Variants in CDC42BPA observed in about 807,000 individuals in gnomAD.
The protein encoded by CDC42BPA is CDC42 binding protein kinase alpha, also known as serine/threonine-protein kinase MRCK alpha.
CDC42BPA carries 80 observed loss-of-function variants against 223.5 expected under a neutral mutation model. The ratio of observed to expected loss-of-function variants is 0.36; its 90% confidence interval spans 0.30 to 0.43. The LOEUF (loss-of-function observed/expected upper bound fraction) is 0.43, where lower values mean the gene tolerates loss of function less well. Ranked by LOEUF, CDC42BPA falls within the 20% of genes least tolerant of loss-of-function variation. CDC42BPA has a pLI of 1.00. For synonymous variants in CDC42BPA, 694 were observed against 718.6 expected, an observed-to-expected ratio of 0.97 and a Z score of 0.55; for missense variants, 1,743 against 2,099.9, an observed-to-expected ratio of 0.83 and a Z score of 3.32.
intron 1 of CDC42BPA, among the ~76,000 whole-genome samples, chr1:227,297,532 CG>C (rs1208503890): frequency 6.6e-6 from 1 of 152,072 alleles, no homozygotes; most frequent in African/African-American, 2.4e-5. Context: ...GTGGAAACAA[CG>C]CAAGTATCCA....
intron 6 of CDC42BPA, among the ~76,000 whole-genome samples, chr1:227,151,414 T>A (rs1452356426): frequency 1.3e-5 from 2 of 152,210 alleles, no homozygotes; most frequent in Non-Finnish European, 2.9e-5. Flanking sequence ...ACCCTTTGGC[T>A]ACTGTGAACA....
chr1:227,262,578 G>T (rs1408740425), intron 1 of CDC42BPA, among the ~76,000 whole-genome samples: 1 of 152,110 alleles, frequency 6.6e-6, no homozygotes, highest in Non-Finnish European at 1.5e-5. Flanking sequence ...TAAGAATATA[G>T]CCATGTATTC....
intron 2 of CDC42BPA, among the ~76,000 whole-genome samples, chr1:227,243,756 TCACACA>T (rs5781477): frequency 0.086 from 12,617 of 146,594 alleles, 520 homozygotes; most frequent in Non-Finnish European, 0.1. Flanking sequence ...AAAAGATTTG[TCACACA>T]CACACACACA....
chr1:227,110,332 T>C (rs1292919270), intron 14 of CDC42BPA, among the ~76,000 whole-genome samples: 1 of 152,230 alleles, frequency 6.6e-6, no homozygotes, highest in Non-Finnish European at 1.5e-5. Context: ...TTCTGGTCTA[T>C]ACATGTTAAA....
chr1:227,087,646 T>G (rs1277574242), intron 16 of CDC42BPA, among the ~76,000 whole-genome samples: 2 of 152,220 alleles, frequency 1.3e-5, no homozygotes, highest in Non-Finnish European at 2.9e-5. Context: ...ATATTGAGTC[T>G]TCCAATCCAT....
intron 22 of CDC42BPA, among the ~76,000 whole-genome samples, chr1:227,051,260 A>G (rs1673471788): frequency 1.3e-5 from 2 of 152,316 alleles, no homozygotes; most frequent in Admixed American, 6.5e-5. Flanking sequence ...AGCTGATCTT[A>G]AGGTAGGATG....
At chr1:227,176,895 T>C (rs2149993688) in intron 5 of CDC42BPA, among the ~76,000 whole-genome samples, 1 of 152,204 alleles carries the variant, frequency 6.6e-6, no homozygotes, top group Admixed American at 6.5e-5. Flanking sequence ...ATCTTTATCA[T>C]AAAGCTTCAT....
At chr1:227,052,344 A>G (rs1673682802) in intron 21 of CDC42BPA, among the ~76,000 whole-genome samples, 1 of 152,192 alleles carries the variant, frequency 6.6e-6, no homozygotes, top group African/African-American at 2.4e-5. Context: ...CTTAATAGAG[A>G]TACATACGGC....
intron 2 of CDC42BPA, among the ~76,000 whole-genome samples, chr1:227,245,893 G>A (rs911615043): frequency 1.3e-5 from 2 of 152,180 alleles, no homozygotes; most frequent in African/African-American, 2.4e-5. Context: ...ATTCCCAGTT[G>A]TGGTGGCCAC....
At chr1:227,080,539 C>T (rs1680421348) in intron 17 of CDC42BPA, among the ~76,000 whole-genome samples, 2 of 152,072 alleles carry the variant, frequency 1.3e-5, no homozygotes, top group African/African-American at 4.8e-5. Context: ...TCTTAAAATA[C>T]TCACAAATAC....
chr1:227,211,487 A>G (rs2670458), intron 3 of CDC42BPA, among the ~76,000 whole-genome samples: 24,022 of 152,166 alleles, frequency 0.16, 2,185 homozygotes, highest in East Asian at 0.37. Context: ...TAGCAAAGTC[A>G]CAGACTCAAT....
At position 226,994,764 on chromosome 1, in the gene CDC42BPA, C is replaced by G; in HGVS notation, c.5133+59G>C. The G allele has an allele frequency of 2.0e-6, 3 of 1,507,146 alleles. No homozygotes were observed. The highest frequency in any genetic ancestry group is 2.1e-4 in the Middle Eastern group (1 of 4,752). The allele number at this position is 1,507,146 out of a possible 1,614,324, so 93.4% of individuals were successfully genotyped here. A position where few individuals can be genotyped will look rare whatever the true frequency, so the allele number is the denominator to read the frequency against. On this transcript the variant is annotated intron_variant, in intron 36 of 36. Coordinates refer to ENST00000366766, the MANE Select transcript of CDC42BPA (RefSeq NM_001394014.1). This position sits in a 1 kb window ranked among gnomAD's most constrained non-coding sequence, Gnocchi z 4.0. ...GGCCAATCCCAAGGTGGTGGGATTGCCTGGGAAGATGCCCTAGTCTTTCTG... is the reference window on the plus strand; with the variant it reads ...GGCCAATCCCAAGGTGGTGGGATTGGCTGGGAAGATGCCCTAGTCTTTCTG...
chr1:227,139,546 A>G, intron 10 of CDC42BPA, 30 bp downstream of exon 10: 1 of 1,418,510 alleles, frequency 7.0e-7, no homozygotes, highest in East Asian at 2.5e-5. Context: ...TACAATTCAA[A>G]AAGTGAAAAT....
At chr1:227,199,472 C>A in intron 4 of CDC42BPA, 85 bp downstream of exon 4, 1 of 790,698 alleles carries the variant, frequency 1.3e-6, no homozygotes, top group South Asian at 1.7e-5. Flanking sequence ...TATATGAAAC[C>A]TACATTTAAA....
At chr1:227,019,140 C>T (rs1666887142) in intron 32 of CDC42BPA, among the ~76,000 whole-genome samples, 1 of 152,184 alleles carries the variant, frequency 6.6e-6, no homozygotes, top group Non-Finnish European at 1.5e-5. Context: ...CCTCTCAAAC[C>T]CTGCCTCTGC....
chr1:227,166,809 T>A (rs1306341168), intron 5 of CDC42BPA, among the ~76,000 whole-genome samples: 2 of 151,988 alleles, frequency 1.3e-5, no homozygotes, highest in Non-Finnish European at 2.9e-5. Context: ...ATCTATCAAC[T>A]GAGTAAAGAA....
At position 227,015,638 on chromosome 1, in the gene CDC42BPA, G is replaced by A. The variant is rs1173382377; in HGVS notation, c.4857+442C>T. 8.6e-5 allele frequency among the ~76,000 whole-genome samples: 13 copies of A among 151,926 alleles called. No individual in the cohort carries two copies. In the East Asian group the frequency reaches 1.4e-3, roughly 16 times the overall value. Reference sequence around the variant, plus strand: ...AAAACGATTTAATTTCACAACTGTCGGAGAGATGTGACCATTAATAACCAA... The same window carrying A: ...AAAACGATTTAATTTCACAACTGTCAGAGAGATGTGACCATTAATAACCAA... On this transcript the variant is annotated intron_variant, in intron 34 of 36. Coordinates refer to ENST00000366766, the MANE Select transcript of CDC42BPA (RefSeq NM_001394014.1).
At position 226,994,863 on chromosome 1, in the gene CDC42BPA, T is replaced by C. The variant is rs780708396; in HGVS notation, c.5093A>G (p.Asp1698Gly). Reference sequence around the variant, plus strand: ...CCTCGCTGGGGCATCACTTCCTTGGTCCATGCCTCCAGAGGACAAAGAGCC... The same window carrying C: ...CCTCGCTGGGGCATCACTTCCTTGGCCCATGCCTCCAGAGGACAAAGAGCC... ...SEGSLSSGGMDQGSDAPARDF... is the reference protein window; with the variant it reads ...SEGSLSSGGMGQGSDAPARDF... The change falls in exon 36 of 37, where the codon GAC becomes GGC. Residue 1698 changes from aspartate (D) to glycine (G), a missense_variant. By Grantham distance (94) the Asp-to-Gly change is moderately conservative. Coordinates refer to ENST00000366766, the MANE Select transcript of CDC42BPA (RefSeq NM_001394014.1). The surrounding 1 kb of genome is among the most constrained non-coding windows in gnomAD (Gnocchi z 4.0). The C allele has an allele frequency of 6.2e-7, 1 of 1,613,966 alleles. No individual in the cohort carries two copies. Among genetic ancestry groups the C allele is most frequent in the African/African-American group, 1.3e-5 (1 of 75,026 alleles).
intron 1 of CDC42BPA, among the ~76,000 whole-genome samples, chr1:227,271,704 A>C (rs961754343): frequency 6.6e-6 from 1 of 152,192 alleles, no homozygotes; most frequent in Non-Finnish European, 1.5e-5. Flanking sequence ...ACCCAAAAAA[A>C]GTCTTCAGTA....
Sources: allele counts gnomAD v4.1 joint callset (sites outside exome capture counted in the v4.1 genomes callset), GRCh38; gene constraint gnomAD v4.1.1; non-coding constraint Gnocchi (gnomAD v3.1); transcripts MANE v1.5; gene names NCBI Gene and HGNC (gene_info 2026-07-23, HGNC 2026-07-21).